NOMO2: variants seen among roughly 807,000 people sequenced by gnomAD.
NOMO2 encodes BOS complex subunit NOMO2.
A neutral mutation model predicts 67.1 loss-of-function variants in NOMO2; 14 were observed. The observed-to-expected ratio is 0.21, with a 90% confidence interval of 0.14 to 0.33. The LOEUF (loss-of-function observed/expected upper bound fraction) is 0.33, where lower values mean the gene tolerates loss of function less well. Ranked by LOEUF, NOMO2 falls within the 10% of genes least tolerant of loss-of-function variation. The probability of loss-of-function intolerance (pLI) is 1.00; values close to 1 mark genes in which losing one functional copy is unlikely to be tolerated. For synonymous variants in NOMO2, 80 were observed against 305.9 expected (o/e 0.26, Z 7.71); for missense variants, 178 against 761.0 (o/e 0.23, Z 9.01).
intron 11 of NOMO2, among the ~76,000 whole-genome samples, chr16:18,535,388 C>T (rs1901394997): frequency 1.1e-5 from 1 of 89,582 alleles, no homozygotes; most frequent in Non-Finnish European, 3.2e-5. Flanking sequence ...ACTACGTCGG[C>T]CAATAAAAAA....
chr16:18,558,140 T>C (rs1453676156), intron 1 of NOMO2, among the ~76,000 whole-genome samples: 3 of 146,168 alleles, frequency 2.1e-5, no homozygotes, highest in Non-Finnish European at 3.0e-5. Flanking sequence ...AACATGCAAA[T>C]TCCTGGCTGG....
intron 1 of NOMO2, among the ~76,000 whole-genome samples, chr16:18,561,169 T>C: frequency 2.7e-5 from 1 of 36,566 alleles, no homozygotes; most frequent in Non-Finnish European, 4.5e-5. Flanking sequence ...CTTTACAACT[T>C]AATTAAAAAA....
chr16:18,552,795 A>G (rs1379840993), intron 3 of NOMO2, among the ~76,000 whole-genome samples: 1 of 152,034 alleles, frequency 6.6e-6, no homozygotes, highest in Admixed American at 6.6e-5. Flanking sequence ...AAAGCTGAGC[A>G]TGTATCAGCT....
intron 15 of NOMO2, among the ~76,000 whole-genome samples, chr16:18,528,802 A>AAAAAAAAAAG (rs1304680913): frequency 2.1e-5 from 3 of 145,734 alleles, no homozygotes; most frequent in Non-Finnish European, 4.6e-5. Context: ...ACAAAAATAC[A>AAAAAAAAAAG]AAAAAAAAAG....
intron 4 of NOMO2, 71 bp from the exon 5 acceptor site, chr16:18,549,698 T>G: frequency 2.0e-6 from 1 of 508,730 alleles, no homozygotes; most frequent in Non-Finnish European, 3.4e-6. Context: ...CAGTCCTGCT[T>G]ACAACTCCCA....
chr16:18,553,290 T>C (rs1231910897), intron 3 of NOMO2, among the ~76,000 whole-genome samples: 1 of 150,772 alleles, frequency 6.6e-6, no homozygotes, highest in Non-Finnish European at 1.5e-5. Context: ...TAAAATAAAA[T>C]ATAAATATTT....
chr16:18,507,564 G>A (rs1263486773), intron 28 of NOMO2, among the ~76,000 whole-genome samples: 1 of 24,098 alleles, frequency 4.1e-5, no homozygotes, highest in African/African-American at 2.0e-4. Flanking sequence ...TCATCACCCC[G>A]TCTTATAGAC....
At chr16:18,528,284 C>T (rs1291267980) in intron 15 of NOMO2, among the ~76,000 whole-genome samples, 10 of 150,040 alleles carry the variant, frequency 6.7e-5, no homozygotes, top group Non-Finnish European at 1.3e-4. Context: ...AAAAAAGGAT[C>T]TTATTACAAG....
At chr16:18,528,324 G>A (rs567909905) in intron 15 of NOMO2, among the ~76,000 whole-genome samples, 1 of 151,136 alleles carries the variant, frequency 6.6e-6, no homozygotes, top group Non-Finnish European at 1.5e-5. Context: ...ACTGCTGGAA[G>A]GGAAAGGTTT....
chr16:18,529,401 T>C, intron 15 of NOMO2, 100 bp downstream of exon 15: 1 of 1,610,626 alleles, frequency 6.2e-7, no homozygotes, highest in Middle Eastern at 2.3e-4. Context: ...AAAGGAAATC[T>C]GACTTGCCTA....
intron 3 of NOMO2, among the ~76,000 whole-genome samples, chr16:18,554,320 G>C (rs1901856603): frequency 6.6e-6 from 1 of 151,912 alleles, no homozygotes; most frequent in South Asian, 2.1e-4. Flanking sequence ...CACGGGGGAA[G>C]TAACTTGCCC....
intron 15 of NOMO2, among the ~76,000 whole-genome samples, chr16:18,528,992 CATATATATATATATATATATATATAT>C (rs60355905): frequency 8.1e-4 from 10 of 12,320 alleles, no homozygotes; most frequent in African/African-American, 2.4e-3. Flanking sequence ...AAAAAAAATA[CATATATATATATATATATATATATAT>C]ATATATATAT....
chr16:18,526,823 T>C lies in NOMO2; in HGVS notation c.1894+714A>G, dbSNP rs569292229. 3.3e-5 allele frequency among the ~76,000 whole-genome samples: 5 copies of C among 152,100 alleles called. No individual in the cohort carries two copies. The South Asian group carries it at 6.3e-4, about 19-fold the overall frequency. Reference sequence around the variant, plus strand: ...ATCTAAAACTGGATTCTGGCCGTGGTTGTGCAACTTGATAAATTTACTACA... The same window carrying C: ...ATCTAAAACTGGATTCTGGCCGTGGCTGTGCAACTTGATAAATTTACTACA... On this transcript the variant is annotated intron_variant, in intron 16 of 30. Coordinates refer to ENST00000622306, the MANE Select transcript of NOMO2 (RefSeq NM_173614.4).
chr16:18,545,155 G>A (rs1283751245), intron 6 of NOMO2, among the ~76,000 whole-genome samples: 2 of 148,054 alleles, frequency 1.4e-5, no homozygotes, highest in Non-Finnish European at 3.0e-5. Context: ...AAGTGCAGTG[G>A]TGCAATCTTG....
chr16:18,557,663 G>C, intron 2 of NOMO2, 39 bp downstream of exon 2: 1 of 1,611,736 alleles, frequency 6.2e-7, no homozygotes, highest in Non-Finnish European at 8.5e-7. Flanking sequence ...AGGCACACTA[G>C]TGACTTCCCA....
In NOMO2 at chr16:18,529,558, A is replaced by C. The variant is rs1006827243; in HGVS notation, c.1749T>G (p.Val583=). The C allele has an allele frequency of 2.5e-6, 4 of 1,609,090 alleles. No individual in the cohort carries two copies. The African/African-American group carries it at 5.4e-5, about 22-fold the overall frequency. The change falls in exon 15 of 31, where the codon GTT becomes GTG. Residue 583 remains valine, a synonymous_variant. Coordinates refer to ENST00000622306, the MANE Select transcript of NOMO2 (RefSeq NM_173614.4). ...VEVLEDDVSA[V]EFRQTGYMLR... is the part of the protein sequence containing the mutation. ...GCATGTAGCCCGTCTGCCTGAACTC[A>C]ACTGCAGACACGTCATCCTCCAGCA...
intron 11 of NOMO2, 142 bp downstream of exon 11, chr16:18,538,384 T>A (rs1901467419): frequency 1.1e-6 from 1 of 897,228 alleles, no homozygotes; most frequent in African/African-American, 2.2e-5. Context: ...CAAGACTCTG[T>A]CTCTCAAAAA....
intron 6 of NOMO2, among the ~76,000 whole-genome samples, chr16:18,545,095 AAATT>A (rs1314258973): frequency 1.7e-5 from 2 of 119,894 alleles, no homozygotes; most frequent in African/African-American, 6.1e-5. Flanking sequence ...CATTTCGAAT[AAATT>A]TTTTTTTTTT....
rs1353153138 is a variant in NOMO2, at chr16:18,562,086, G to A, written c.-46C>T. On this transcript the variant is annotated 5_prime_UTR_variant, in exon 1 of 31. Coordinates refer to ENST00000622306, the MANE Select transcript of NOMO2 (RefSeq NM_173614.4). ...GACCCACCGCCGGCAGCCGGGTCCC[G>A]CCCCTCACACTGCACGCCGCAGGCT... The A allele has an allele frequency of 7.9e-6, 11 of 1,398,920 alleles. No homozygotes were observed. Among genetic ancestry groups the A allele is most frequent in the African/African-American group, 3.1e-5 (2 of 64,514 alleles). The allele number at this position is 1,398,920 out of a possible 1,614,324, so 86.7% of individuals were successfully genotyped here.
Sources: gnomAD v4.1 joint callset for allele counts (sites outside exome capture counted in the v4.1 genomes callset) on GRCh38, gnomAD v4.1.1 for gene constraint, MANE v1.5 for transcripts, NCBI Gene and HGNC (gene_info 2026-07-23, HGNC 2026-07-21) for gene names.